FLNB: variants seen among roughly 807,000 people sequenced by gnomAD.
FLNB encodes the protein filamin B.
In FLNB, 111 loss-of-function variants were observed where a neutral mutation model predicts 250.6. That is an observed-to-expected ratio of 0.44 (90% CI 0.38 to 0.52). The LOEUF is 0.52. Among genes scored for constraint, FLNB ranks in the 20% least tolerant of loss-of-function variants. The pLI is 0.00. For missense variants in FLNB, 2,869 were observed against 3,447.8 expected, an observed-to-expected ratio of 0.83 and a Z score of 4.20; for synonymous variants, 1,302 against 1,372.1, an observed-to-expected ratio of 0.95 and a Z score of 1.13.
chr3:58,171,157 A>G lies in FLNB; in HGVS notation c.*395A>G, dbSNP rs780700961. On this transcript the variant is annotated 3_prime_UTR_variant, in exon 46 of 46. Coordinates refer to ENST00000295956, the MANE Select transcript of FLNB (RefSeq NM_001457.4). The surrounding 1 kb of genome is among the most constrained non-coding windows in gnomAD (Gnocchi z 5.5). ...CAAGGCTAGGGGAAGATGGGCAGAG[A>G]AAAAGGGGACACCTAGTTTGGTTGT... is the stretch of plus-strand genomic sequence containing the variant. 3 of 231,968 alleles carry G rather than the reference A, an allele frequency of 1.3e-5. No individual in the cohort carries two copies. The highest frequency in any genetic ancestry group is 2.3e-5 in the African/African-American group (1 of 43,544). 14.4% of individuals were successfully genotyped at this position (231,968 alleles called of 1,614,324 possible).
chr3:58,129,500 ACT>A (rs2097303025), intron 24 of FLNB, among the ~76,000 whole-genome samples: 2 of 152,034 alleles, frequency 1.3e-5, no homozygotes, highest in African/African-American at 4.8e-5. Flanking sequence ...CTCAACTGTC[ACT>A]CTCTAAAGTA....
intron 41 of FLNB, 152 bp from the exon 42 acceptor site, chr3:58,159,402 G>T: frequency 1.3e-6 from 1 of 749,906 alleles, no homozygotes; most frequent in Admixed American, 2.0e-5. Context: ...CATTAAAAAT[G>T]CAGAATGGCT....
chr3:58,105,846 C>G (rs1220599144), intron 11 of FLNB, among the ~76,000 whole-genome samples: 1 of 152,166 alleles, frequency 6.6e-6, no homozygotes, highest in Non-Finnish European at 1.5e-5. Context: ...CGTTTAGCAA[C>G]CCGTTTTAGG....
At chr3:58,083,815 C>G (rs1388111205) in intron 4 of FLNB, among the ~76,000 whole-genome samples, 1 of 152,132 alleles carries the variant, frequency 6.6e-6, no homozygotes, top group Non-Finnish European at 1.5e-5. Context: ...TGAGACATCA[C>G]TTGTGTTATG....
At chr3:58,031,693 A>C (rs1576609233) in intron 1 of FLNB, among the ~76,000 whole-genome samples, 1 of 150,528 alleles carries the variant, frequency 6.6e-6, no homozygotes, top group East Asian at 2.0e-4. Flanking sequence ...CTGGGACTAC[A>C]GGTATGTGCC....
At chr3:58,145,295 C>G (rs2097334046) in intron 32 of FLNB, among the ~76,000 whole-genome samples, 1 of 152,088 alleles carries the variant, frequency 6.6e-6, no homozygotes, top group South Asian at 2.1e-4. Flanking sequence ...TAGCAACTTG[C>G]TTTTTTTCTT....
At chr3:58,111,414 C>T (rs1284954823) in intron 16 of FLNB, among the ~76,000 whole-genome samples, 1 of 152,216 alleles carries the variant, frequency 6.6e-6, no homozygotes, top group African/African-American at 2.4e-5. Flanking sequence ...TCTTGCATTT[C>T]CCCAGACCTT....
At chr3:58,027,797 C>T (rs1415533364) in intron 1 of FLNB, among the ~76,000 whole-genome samples, 2 of 152,170 alleles carry the variant, frequency 1.3e-5, no homozygotes, top group Non-Finnish European at 2.9e-5. Context: ...AGTTGACTCA[C>T]TTGTAAAACA....
chr3:58,134,551 G>A, intron 26 of FLNB, 65 bp from the exon 27 acceptor site: 1 of 1,590,500 alleles, frequency 6.3e-7, no homozygotes, highest in African/African-American at 1.3e-5. Context: ...TGTAAGAAAA[G>A]TCAGATGCAG....
chr3:58,157,955 G>GCTT (rs1244525898), intron 41 of FLNB, among the ~76,000 whole-genome samples: 1 of 152,178 alleles, frequency 6.6e-6, no homozygotes, highest in African/African-American at 2.4e-5. Flanking sequence ...GTTCTTCCCG[G>GCTT]GTCATTTGAT....
At chr3:58,103,265 G>GT (rs2097253949) in intron 9 of FLNB, among the ~76,000 whole-genome samples, 1 of 148,064 alleles carries the variant, frequency 6.8e-6, no homozygotes, top group Non-Finnish European at 1.5e-5. Flanking sequence ...AGCCAAGGAG[G>GT]GTGTGTGTGT....
intron 1 of FLNB, among the ~76,000 whole-genome samples, chr3:58,033,910 G>A (rs11130610): frequency 0.26 from 39,974 of 152,000 alleles, 6,077 homozygotes; most frequent in Middle Eastern, 0.45. Flanking sequence ...GAACAGGCTG[G>A]AGTGCAGTGG....
intron 11 of FLNB, 119 bp downstream of exon 11, chr3:58,105,335 C>G: frequency 8.0e-7 from 1 of 1,246,616 alleles, no homozygotes; most frequent in South Asian, 1.2e-5. Context: ...TTCCTGGCCT[C>G]CTGGCCACCC....
chr3:58,009,615 C>G (rs144456196), intron 1 of FLNB, among the ~76,000 whole-genome samples: 2 of 152,258 alleles, frequency 1.3e-5, no homozygotes, highest in Non-Finnish European at 2.9e-5. Flanking sequence ...TAAGTTATCT[C>G]CGTCCCTACG....
intron 19 of FLNB, 84 bp from the exon 20 acceptor site, chr3:58,121,157 A>G (rs905427471): frequency 1.9e-6 from 3 of 1,585,304 alleles, no homozygotes; most frequent in South Asian, 2.2e-5. Flanking sequence ...CCCCGTGTCC[A>G]AAGAACCATT....
rs1171473693 is a variant in FLNB at position 58,108,590 on chromosome 3, C to T, written c.2055+19C>T. 1.3e-6 allele frequency: 2 copies of T among 1,488,370 alleles called. No individual in the cohort carries two copies. The highest frequency in any genetic ancestry group is 1.4e-5 in the African/African-American group (1 of 72,504). The allele number at this position is 1,488,370 out of a possible 1,614,324, so 92.2% of individuals were successfully genotyped here. On this transcript the variant is annotated intron_variant, in intron 13 of 45. Transcript: ENST00000295956. ...TGCTCAGGTAAATTTCAGGGGGCCA[C>T]CTGTGCAGGTAATTGTCAGGTAACA...
Position 58,121,470 on chromosome 3 carries a change from A to G in FLNB, c.3093A>G (p.Thr1031=), listed in dbSNP as rs2097288680. 3 of 1,614,014 alleles carry G rather than the reference A, an allele frequency of 1.9e-6. No individual in the cohort carries two copies. Among genetic ancestry groups the G allele is most frequent in the Non-Finnish European group, 2.5e-6 (3 of 1,180,034 alleles). Residue 1031 remains threonine, a synonymous_variant, in exon 20 of 46, where the codon ACA becomes ACG. Coordinates refer to ENST00000295956, the MANE Select transcript of FLNB (RefSeq NM_001457.4). ...DGHPVPGSPY[T]VEASLPPDPS... ...ACCCTGTGCCCGGGAGCCCCTACAC[A>G]GTGGAGGCCTCGCTGCCACCAGATC...
chr3:58,063,269 G>A (rs1387230483), intron 1 of FLNB, among the ~76,000 whole-genome samples: 1 of 152,120 alleles, frequency 6.6e-6, no homozygotes, highest in Non-Finnish European at 1.5e-5. Flanking sequence ...TCTTTGAGTG[G>A]GTTCCACCCA....
At chr3:58,113,288 T>C (rs561356956) in intron 18 of FLNB, among the ~76,000 whole-genome samples, 1 of 152,322 alleles carries the variant, frequency 6.6e-6, no homozygotes, top group African/African-American at 2.4e-5. Flanking sequence ...TTAAGCCTAG[T>C]GTTCGAAGTG....
Sources: gnomAD v4.1 joint callset for allele counts (sites outside exome capture counted in the v4.1 genomes callset) on GRCh38, gnomAD v4.1.1 for gene constraint, Gnocchi (gnomAD v3.1) non-coding constraint, MANE v1.5 for transcripts, NCBI Gene and HGNC (gene_info 2026-07-23, HGNC 2026-07-21) for gene names.